The following KSR2 variants were observed in gnomAD, a reference collection of about 807,000 sequenced individuals.
The protein encoded by KSR2 is kinase suppressor of ras 2.
Under a neutral mutation model 107.8 loss-of-function variants are expected in KSR2, and 25 were observed. The observed-to-expected ratio is 0.23, with a 90% CI of 0.17 to 0.32. KSR2 has a LOEUF of 0.32. Ranked by LOEUF, KSR2 falls within the 10% of genes least tolerant of loss-of-function variation. The pLI is 1.00. For synonymous variants in KSR2, 480 were observed against 507.0 expected (o/e 0.95, Z 0.71); for missense variants, 887 against 1,268.9 (o/e 0.70, Z 4.57).
At chr12:117,765,078 G>A (rs1049870882) in intron 3 of KSR2, among the ~76,000 whole-genome samples, 2 of 152,218 alleles carry the variant, frequency 1.3e-5, no homozygotes, top group Non-Finnish European at 2.9e-5. Flanking sequence ...TTTGTACAGT[G>A]AGGAAGTGAC....
At chr12:117,560,741 A>G (rs1169062672) in intron 7 of KSR2, among the ~76,000 whole-genome samples, 3 of 152,250 alleles carry the variant, frequency 2.0e-5, no homozygotes, top group Middle Eastern at 3.2e-3. Context: ...GATCCTTCAC[A>G]AATGGCTTGG....
At chr12:117,699,736 G>A (rs1886223204) in intron 4 of KSR2, among the ~76,000 whole-genome samples, 1 of 152,198 alleles carries the variant, frequency 6.6e-6, no homozygotes, top group Non-Finnish European at 1.5e-5. Context: ...CCTAGGACAT[G>A]ACTGTACACT....
intron 5 of KSR2, among the ~76,000 whole-genome samples, chr12:117,627,091 C>T (rs149753629): frequency 0.025 from 3,753 of 151,474 alleles, 87 homozygotes; most frequent in Admixed American, 0.077. Flanking sequence ...AGCCTATGTG[C>T]GTCTTTACAC....
chr12:117,581,204 G>C (rs191928623), intron 6 of KSR2, among the ~76,000 whole-genome samples: 11 of 152,192 alleles, frequency 7.2e-5, no homozygotes, highest in African/African-American at 2.7e-4. Context: ...TCGTGAGAAT[G>C]CTCACCTCCT....
At chr12:117,923,948 G>T (rs143445863) in intron 1 of KSR2, among the ~76,000 whole-genome samples, 1 of 148,364 alleles carries the variant, frequency 6.7e-6, no homozygotes, top group Non-Finnish European at 1.5e-5. Context: ...GTGTGATCTC[G>T]GCTCACCACA....
rs1890133785 is a variant in KSR2 at position 117,787,890 on chromosome 12, C to A, written c.473-26366G>T. The stretch of plus-strand genomic sequence containing the variant: ...ACCACACCAGAAAATTCTTGAGATA[C>A]CTTTCAACTCAATAATAAACATTTG... On this transcript the variant is annotated intron_variant, in intron 3 of 19. Coordinates refer to ENST00000339824, the MANE Select transcript of KSR2 (RefSeq NM_173598.6). Among the ~76,000 whole-genome samples the A allele has an allele frequency of 7.2e-5, 11 of 152,312 alleles. No individual in the cohort carries two copies. In the South Asian group the frequency reaches 2.3e-3, roughly 32 times the overall value.
At position 117,842,659 on chromosome 12, in the gene KSR2, G is replaced by A. The variant is rs578127931; in HGVS notation, c.472+12769C>T. ...TGGATGCCAGGAATAAAAAGAGAAA[G>A]TGACTACAGCGCTGATCAGAGATGA... is the stretch of plus-strand genomic sequence containing the variant. On this transcript the variant is annotated intron_variant, in intron 3 of 19. Transcript: ENST00000339824. This position sits in a 1 kb window ranked among gnomAD's most constrained non-coding sequence, Gnocchi z 4.2. Among the ~76,000 whole-genome samples, 1 of 152,308 alleles carries A rather than the reference G, an allele frequency of 6.6e-6. No homozygotes were observed. The highest frequency in any genetic ancestry group is 2.4e-5 in the African/African-American group (1 of 41,560).
intron 16 of KSR2, among the ~76,000 whole-genome samples, chr12:117,480,521 G>C (rs1049926409): frequency 1.3e-5 from 2 of 152,208 alleles, no homozygotes; most frequent in Non-Finnish European, 2.9e-5. Flanking sequence ...CGGCAGAACA[G>C]CTGGATGCTG....
intron 3 of KSR2, among the ~76,000 whole-genome samples, chr12:117,807,480 T>C (rs1411154720): frequency 6.6e-6 from 1 of 152,218 alleles, no homozygotes. Flanking sequence ...TCTAATAAGT[T>C]TGGGTTATCA....
intron 1 of KSR2, among the ~76,000 whole-genome samples, chr12:117,967,108 C>T (rs1896821230): frequency 6.6e-6 from 1 of 152,186 alleles, no homozygotes; most frequent in East Asian, 1.9e-4. Context: ...CTCGTGGACA[C>T]CAGGCATTTG....
chr12:117,883,875 CA>C (rs34939587), intron 1 of KSR2, among the ~76,000 whole-genome samples: 14,267 of 93,508 alleles, frequency 0.15, 783 homozygotes, highest in East Asian at 0.4. Flanking sequence ...GTCTCCATCT[CA>C]AAAAAAAAAA....
intron 15 of KSR2, among the ~76,000 whole-genome samples, chr12:117,485,115 C>T (rs1266910755): frequency 1.3e-5 from 2 of 152,184 alleles, no homozygotes; most frequent in East Asian, 1.9e-4. Flanking sequence ...CTAACACCTC[C>T]AAATGAGAAA....
At chr12:117,739,470 C>A (rs1193205293) in intron 4 of KSR2, among the ~76,000 whole-genome samples, 1 of 152,168 alleles carries the variant, frequency 6.6e-6, no homozygotes, top group African/African-American at 2.4e-5. Flanking sequence ...TAGAGACCAC[C>A]GTTGAGATAA....
intron 1 of KSR2, among the ~76,000 whole-genome samples, chr12:117,901,015 G>A (rs1227546264): frequency 6.6e-6 from 1 of 152,166 alleles, no homozygotes; most frequent in African/African-American, 2.4e-5. Flanking sequence ...TAATAATTTC[G>A]GCATCAAGGA....
intron 14 of KSR2, among the ~76,000 whole-genome samples, chr12:117,518,415 G>A (rs900560572): frequency 3.9e-5 from 6 of 152,130 alleles, no homozygotes; most frequent in Non-Finnish European, 5.9e-5. Flanking sequence ...CACTGGTATC[G>A]TTCCTAAGAG....
intron 9 of KSR2, among the ~76,000 whole-genome samples, chr12:117,549,315 T>C (rs1877116094): frequency 6.6e-6 from 1 of 152,126 alleles, no homozygotes; most frequent in Non-Finnish European, 1.5e-5. Flanking sequence ...GCCAATTATA[T>C]TACACGAGGA....
Position 117,471,174 on chromosome 12 carries a change from C to A in KSR2, c.2712+17G>T, listed in dbSNP as rs749207576. On this transcript the variant is annotated intron_variant, in intron 18 of 19. Coordinates refer to ENST00000339824, the MANE Select transcript of KSR2 (RefSeq NM_173598.6). ...TCTCCCCTCATCCCCCAAGTCTGGA[C>A]CTATCTTGGGACTTACCGAGATTTC... The A allele has an allele frequency of 9.9e-6, 16 of 1,612,938 alleles. 1 individual carries two copies. The South Asian group carries it at 1.8e-4, about 18-fold the overall frequency.
In KSR2 at chr12:117,930,126, C is replaced by T. The variant is rs568316311; in HGVS notation, c.180+37950G>A. Among the ~76,000 whole-genome samples, 20 of 152,242 alleles carry T rather than the reference C, an allele frequency of 1.3e-4. No homozygotes were observed. The South Asian group carries it at 2.1e-3, about 16-fold the overall frequency. Reference sequence around the variant, plus strand: ...TCAACTCACTGCAACCTCCGCCTCCCAGCTTCAAGCGATTCTTGTGCCTCA... The same window carrying T: ...TCAACTCACTGCAACCTCCGCCTCCTAGCTTCAAGCGATTCTTGTGCCTCA... On this transcript the variant is annotated intron_variant, in intron 1 of 19. Transcript: ENST00000339824.
chr12:117,609,798 C>T, intron 5 of KSR2, among the ~76,000 whole-genome samples: 1 of 152,174 alleles, frequency 6.6e-6, no homozygotes, highest in East Asian at 1.9e-4. Context: ...AGCTGTATCC[C>T]TGGTCCCATC....
Sources: gnomAD v4.1 joint callset for allele counts (sites outside exome capture counted in the v4.1 genomes callset) on GRCh38, gnomAD v4.1.1 for gene constraint, Gnocchi (gnomAD v3.1) non-coding constraint, MANE v1.5 for transcripts, NCBI Gene and HGNC (gene_info 2026-07-23, HGNC 2026-07-21) for gene names.